Variants in CAST observed in about 807,000 individuals in gnomAD.
CAST encodes the protein MIR583 host.
In CAST, 76 loss-of-function variants were observed where a neutral mutation model predicts 119.6. The observed-to-expected ratio is 0.64, with a 90% CI of 0.53 to 0.77. The LOEUF is 0.77. Ranked by LOEUF, CAST falls within the 30% of genes least tolerant of loss-of-function variation. The pLI is 0.00. For synonymous variants in CAST, 319 were observed against 331.6 expected, an observed-to-expected ratio of 0.96 and a Z score of 0.41; for missense variants, 953 against 946.5, an observed-to-expected ratio of 1.01 and a Z score of -0.09.
chr5:96,404,473 A>C, the CAST span, among the ~76,000 whole-genome samples: 1 of 152,230 alleles, frequency 6.6e-6, no homozygotes, highest in African/African-American at 2.4e-5. Flanking sequence ...GTGCATATTC[A>C]GCCAGAAACC....
intron 6 of CAST, among the ~76,000 whole-genome samples, chr5:96,727,926 G>A (rs1488895518): frequency 3.9e-5 from 6 of 152,174 alleles, no homozygotes; most frequent in African/African-American, 1.4e-4. Flanking sequence ...TCAGCACCTA[G>A]ATGGCTTAGG....
chr5:96,207,779 A>G, the CAST span, among the ~76,000 whole-genome samples: 5 of 151,978 alleles, frequency 3.3e-5, no homozygotes, highest in African/African-American at 9.7e-5. Flanking sequence ...TGTCTCTGCC[A>G]GGTTTTGGTA....
chr5:96,048,312 A>G, the CAST span, among the ~76,000 whole-genome samples: 1 of 152,186 alleles, frequency 6.6e-6, no homozygotes, highest in Admixed American at 6.5e-5. Context: ...AGAGGCTACT[A>G]CAGTAATTCA....
chr5:96,310,092 T>C, the CAST span, among the ~76,000 whole-genome samples: 2 of 152,204 alleles, frequency 1.3e-5, no homozygotes, highest in African/African-American at 4.8e-5. Context: ...CTGTGTTGAA[T>C]TACTGTTATT....
chr5:96,305,660 A>G, the CAST span, among the ~76,000 whole-genome samples: 2 of 152,092 alleles, frequency 1.3e-5, no homozygotes, highest in African/African-American at 4.8e-5. Flanking sequence ...TTTTTAGCAT[A>G]AAAGGCTGTT....
intron 1 of CAST, chr5:96,546,426 A>T (rs1003209495): frequency 1.3e-5 from 2 of 152,168 alleles, no homozygotes; most frequent in Admixed American, 6.5e-5. Context: ...GGTGTGTCAG[A>T]AACACCCAGT....
chr5:96,428,374 C>T, the CAST span, among the ~76,000 whole-genome samples: 9 of 152,052 alleles, frequency 5.9e-5, no homozygotes, highest in African/African-American at 1.2e-4. Context: ...AGATATCAGG[C>T]GAATCAGGAT....
chr5:96,285,991 C>G, the CAST span, among the ~76,000 whole-genome samples: 6 of 152,268 alleles, frequency 3.9e-5, no homozygotes, highest in African/African-American at 1.4e-4. Context: ...GGGGTGGACA[C>G]AATTGAATTA....
chr5:96,097,858 TGCTGG>T, the CAST span, among the ~76,000 whole-genome samples: 1 of 152,114 alleles, frequency 6.6e-6, no homozygotes, highest in Non-Finnish European at 1.5e-5. Flanking sequence ...GTAATGGGAT[TGCTGG>T]GCCAAATGGT....
the CAST span, among the ~76,000 whole-genome samples, chr5:96,501,903 G>T: frequency 6.6e-6 from 1 of 152,194 alleles, no homozygotes; most frequent in Non-Finnish European, 1.5e-5. Flanking sequence ...GTAGCGTATT[G>T]TGTGTAGGTG....
intron 1 of CAST, among the ~76,000 whole-genome samples, chr5:96,553,640 T>C (rs1746178190): frequency 1.3e-5 from 2 of 152,230 alleles, no homozygotes; most frequent in Admixed American, 6.5e-5. Context: ...GACATGATTG[T>C]ATATTTAGAA....
intron 1 of CAST, among the ~76,000 whole-genome samples, chr5:96,582,683 C>T (rs1042670634): frequency 1.1e-4 from 17 of 152,196 alleles, no homozygotes; most frequent in Admixed American, 6.5e-5. Flanking sequence ...AACTGTAACC[C>T]TCCCTCAGAG....
At chr5:96,353,389 T>G in the CAST span, among the ~76,000 whole-genome samples, 2 of 152,178 alleles carry the variant, frequency 1.3e-5, 1 homozygote, top group South Asian at 4.1e-4. Context: ...ACTCTTGATT[T>G]CCTCCTTCCT....
chr5:96,277,367 G>GT, the CAST span, among the ~76,000 whole-genome samples: 11 of 150,670 alleles, frequency 7.3e-5, no homozygotes, highest in South Asian at 4.2e-4. Flanking sequence ...TTTTATATTG[G>GT]TTTTTTTTTC....
At chr5:96,213,486 A>G in the CAST span, 1 of 152,158 alleles carries the variant, frequency 6.6e-6, no homozygotes, top group African/African-American at 2.4e-5. Context: ...AGAGTATCTG[A>G]TATTAAAAAC....
chr5:96,730,926 G>A (rs1479723772), intron 9 of CAST, 66 bp downstream of exon 9: 7 of 1,207,000 alleles, frequency 5.8e-6, no homozygotes, highest in Middle Eastern at 3.8e-4. Context: ...TATGAGAAAC[G>A]TATGCTCAAA....
the CAST span, among the ~76,000 whole-genome samples, chr5:96,187,250 A>G: frequency 1.3e-5 from 2 of 151,448 alleles, no homozygotes; most frequent in Non-Finnish European, 2.9e-5. Flanking sequence ...TTTCTTCTTT[A>G]TTAGTCTAGC....
At chr5:96,469,846 AAT>A in the CAST span, among the ~76,000 whole-genome samples, 2 of 130,522 alleles carry the variant, frequency 1.5e-5, no homozygotes, top group Admixed American at 8.0e-5. Flanking sequence ...GAGAGAGAGA[AAT>A]ATATATATAT....
the CAST span, among the ~76,000 whole-genome samples, chr5:96,349,964 A>G: frequency 8.5e-5 from 13 of 152,194 alleles, no homozygotes; most frequent in African/African-American, 3.1e-4. Context: ...TGATGAAGTA[A>G]ACTAGATAGA....
Sources: allele counts gnomAD v4.1 joint callset (sites outside exome capture counted in the v4.1 genomes callset), GRCh38; gene constraint gnomAD v4.1.1; transcripts MANE v1.5; gene names NCBI Gene and HGNC (gene_info 2026-07-23, HGNC 2026-07-21).